The following ETFBKMT variants were observed in gnomAD, a reference collection of about 807,000 sequenced individuals.
ETFBKMT encodes the protein electron transfer flavoprotein beta subunit lysine methyltransferase.
A neutral mutation model predicts 18.3 loss-of-function variants in ETFBKMT; 13 were observed. That is an observed-to-expected ratio of 0.71 (90% CI 0.46 to 1.13). The LOEUF (loss-of-function observed/expected upper bound fraction) is 1.13, where lower values mean the gene tolerates loss of function less well. ETFBKMT is among the 50% of genes most tolerant of loss of function. The probability of loss-of-function intolerance (pLI) is 0.00; values close to 1 mark genes in which losing one functional copy is unlikely to be tolerated. For missense variants in ETFBKMT, 293 were observed against 306.2 expected, an observed-to-expected ratio of 0.96 and a Z score of 0.32; for synonymous variants, 84 against 107.9, an observed-to-expected ratio of 0.78 and a Z score of 1.37.
At chr12:31,660,521 C>CTA (rs199647324) in intron 1 of ETFBKMT, among the ~76,000 whole-genome samples, 5 of 151,682 alleles carry the variant, frequency 3.3e-5, no homozygotes, top group Admixed American at 2.0e-4. Flanking sequence ...GGGTGTTTTT[C>CTA]TATATATATA....
intron 2 of ETFBKMT, among the ~76,000 whole-genome samples, chr12:31,662,712 G>C (rs1251826754): frequency 6.6e-6 from 1 of 151,848 alleles, no homozygotes; most frequent in Non-Finnish European, 1.5e-5. Flanking sequence ...CCAAGTAACT[G>C]TCTCCCCAAG....
intron 1 of ETFBKMT, among the ~76,000 whole-genome samples, chr12:31,648,435 G>T (rs1222849153): frequency 7.0e-6 from 1 of 143,252 alleles, no homozygotes; most frequent in South Asian, 2.2e-4. Context: ...CATCTCAGTT[G>T]ACTGCAACCT....
upstream of ETFBKMT, among the ~76,000 whole-genome samples, chr12:31,654,816 G>A (rs1339162818): frequency 2.0e-5 from 3 of 152,292 alleles, no homozygotes; most frequent in East Asian, 5.8e-4. Context: ...AGCACTTCGG[G>A]AGGCTGAGGT....
Position 31,672,127 on chromosome 12 carries a change from T to G in ETFBKMT, c.*4137T>G, listed in dbSNP as rs1457666828. On this transcript the variant is annotated 3_prime_UTR_variant, in exon 4 of 4. Transcript: ENST00000357721. ...ATAGCACTTTAAAGATGTTTAAGAG[T>G]AAAGCACAAACCATGTATATACCAA... 1.9e-6 allele frequency: 1 copy of G among 538,522 alleles called. No individual in the cohort carries two copies. The highest frequency in any genetic ancestry group is 5.0e-4 in the Middle Eastern group (1 of 1,998). The allele number at this position is 538,522 out of a possible 1,614,324, so 33.4% of individuals were successfully genotyped here. A position where few individuals can be genotyped will look rare whatever the true frequency, so the allele number is the denominator to read the frequency against.
At chr12:31,652,089 T>C (rs1464406138) in intron 1 of ETFBKMT, among the ~76,000 whole-genome samples, 1 of 152,188 alleles carries the variant, frequency 6.6e-6, no homozygotes, top group Admixed American at 6.5e-5. Flanking sequence ...AGGCTTCCCC[T>C]GCGCACAGTG....
chr12:31,651,229 T>C (rs1165072771), intron 1 of ETFBKMT, among the ~76,000 whole-genome samples: 3 of 151,906 alleles, frequency 2.0e-5, no homozygotes, highest in Non-Finnish European at 2.9e-5. Flanking sequence ...CAGGATGGAG[T>C]TGCTTTGCCC....
chr12:31,667,897 C>G lies in ETFBKMT; in HGVS notation c.696C>G (p.His232Gln). The G allele has an allele frequency of 6.2e-7, 1 of 1,614,180 alleles. No homozygotes were observed. Among genetic ancestry groups the G allele is most frequent in the Non-Finnish European group, 8.5e-7 (1 of 1,180,038 alleles). The part of the protein sequence containing the change: ...PQFSGHSIQH[H>Q]LHKVVEYSLL... ...TCAGTGGACACAGCATTCAGCATCA[C>G]CTGCACAAAGTGGTAGAATATTCAC... Residue 232 changes from histidine (H) to glutamine (Q), a missense_variant, in exon 4 of 4, where the codon CAC (histidine) becomes CAG (glutamine). By Grantham distance (24) the His-to-Gln change is conservative. Transcript: ENST00000357721.
chr12:31,658,759 A>G (rs1181474501), upstream of ETFBKMT, among the ~76,000 whole-genome samples: 2 of 152,282 alleles, frequency 1.3e-5, no homozygotes, highest in East Asian at 3.9e-4. Context: ...TTGAGGGGCC[A>G]GTGGGATGTG....
chr12:31,651,468 T>C (rs1951017678), intron 1 of ETFBKMT, among the ~76,000 whole-genome samples: 1 of 151,970 alleles, frequency 6.6e-6, no homozygotes, highest in Non-Finnish European at 1.5e-5. Context: ...TAGCAGGGAT[T>C]ACAGGTGCGT....
rs1951222518 is a variant in ETFBKMT at position 31,668,146 on chromosome 12, T to C, written c.*156T>C. 1 of 635,208 alleles carries C rather than the reference T, an allele frequency of 1.6e-6. No homozygotes were observed. The highest frequency in any genetic ancestry group is 1.8e-5 in the African/African-American group (1 of 54,586). 39.3% of individuals were successfully genotyped at this position (635,208 alleles called of 1,614,324 possible). A position where few individuals can be genotyped will look rare whatever the true frequency, so the allele number is the denominator to read the frequency against. ...TGAAGGTTTAGAGTTTTGTTTACTT[T>C]TGTCATGTAACTGGTTCTGTATTTC... On this transcript the variant is annotated 3_prime_UTR_variant, in exon 4 of 4. Coordinates refer to ENST00000357721, the MANE Select transcript of ETFBKMT (RefSeq NM_001135863.2).
chr12:31,660,511 G>T (rs919773584), intron 1 of ETFBKMT, among the ~76,000 whole-genome samples: 1 of 152,152 alleles, frequency 6.6e-6, no homozygotes, highest in South Asian at 2.1e-4. Flanking sequence ...ATTCTAATCC[G>T]GGTGTTTTTC....
chr12:31,666,647 AT>A (rs903201739), intron 3 of ETFBKMT, among the ~76,000 whole-genome samples: 3 of 135,120 alleles, frequency 2.2e-5, no homozygotes, highest in South Asian at 5.2e-4. Flanking sequence ...CCTTTATTTT[AT>A]TTTATTTATT....
At chr12:31,652,191 T>C (rs1489172484) in intron 1 of ETFBKMT, among the ~76,000 whole-genome samples, 3 of 152,230 alleles carry the variant, frequency 2.0e-5, no homozygotes, top group African/African-American at 7.2e-5. Context: ...GCGCATCCAC[T>C]GCCGGCTGGT....
At position 31,668,899 on chromosome 12, in the gene ETFBKMT, G is replaced by A. The variant is rs1440178296; in HGVS notation, c.*909G>A. On this transcript the variant is annotated 3_prime_UTR_variant, in exon 4 of 4. Transcript: ENST00000357721. ...CGTGTTGTATGCTTTTCGCATTAGA[G>A]CCCTTTGCATGTTAATCAGTTATTT... is the stretch of plus-strand genomic sequence containing the variant. 1 of 152,160 alleles carries A rather than the reference G, an allele frequency of 6.6e-6. No individual in the cohort carries two copies. Among genetic ancestry groups the A allele is most frequent in the Non-Finnish European group, 1.5e-5 (1 of 68,038 alleles). The allele number at this position is 152,160 out of a possible 1,614,324, so 9.4% of individuals were successfully genotyped here.
chr12:31,655,885 A>C (rs1348067300), upstream of ETFBKMT, among the ~76,000 whole-genome samples: 2 of 152,200 alleles, frequency 1.3e-5, no homozygotes, highest in South Asian at 4.1e-4. Flanking sequence ...TTCTTGCCTC[A>C]GTCTCTCATT....
Position 31,672,181 on chromosome 12 carries a change from C to G in ETFBKMT, c.*4191C>G. On this transcript the variant is annotated 3_prime_UTR_variant, in exon 4 of 4. Transcript: ENST00000357721. ...TTAGCTAATTCTCTGAGAGTTATAA[C>G]TTAAGACAATAAAATAATTAAAAAT... 1 of 699,840 alleles carries G rather than the reference C, an allele frequency of 1.4e-6. No homozygotes were observed. The highest frequency in any genetic ancestry group is 1.8e-5 in the South Asian group (1 of 54,292). 43.4% of individuals were successfully genotyped at this position (699,840 alleles called of 1,614,324 possible).
intron 2 of ETFBKMT, among the ~76,000 whole-genome samples, chr12:31,664,896 G>A (rs893522864): frequency 6.7e-6 from 1 of 149,982 alleles, no homozygotes; most frequent in African/African-American, 2.5e-5. Flanking sequence ...TTACAGGCGT[G>A]AGCCACCACA....
Position 31,662,101 on chromosome 12 carries a change from T to C in ETFBKMT, c.148T>C (p.Phe50Leu), listed in dbSNP as rs768595786. The C allele has an allele frequency of 6.2e-7, 1 of 1,614,188 alleles. No individual in the cohort carries two copies. Among genetic ancestry groups the C allele is most frequent in the Non-Finnish European group, 8.5e-7 (1 of 1,180,024 alleles). The change falls in exon 2 of 4, where the codon TTC (phenylalanine) becomes CTC (leucine). Residue 50 changes from phenylalanine to leucine, a missense_variant. Phe to Leu is a conservative substitution (Grantham distance 22, BLOSUM62 0). Transcript: ENST00000357721. ...CTTTTTGGACCCTGAGATAAAGGCT[T>C]TCCTGGAGGAGAACACTGAAGTCAC... ...GSFLDPEIKA[F>L]LEENTEVTSS...
At chr12:31,666,445 A>G (rs987011903) in intron 3 of ETFBKMT, among the ~76,000 whole-genome samples, 17 of 152,126 alleles carry the variant, frequency 1.1e-4, no homozygotes, top group Non-Finnish European at 2.1e-4. Flanking sequence ...GTAAGCACTT[A>G]TGTTAATTTA....
Sources: gnomAD v4.1 joint callset for allele counts (sites outside exome capture counted in the v4.1 genomes callset) on GRCh38, gnomAD v4.1.1 for gene constraint, MANE v1.5 for transcripts, NCBI Gene and HGNC (gene_info 2026-07-23, HGNC 2026-07-21) for gene names.